Variants in ZNF550 observed in about 807,000 individuals in gnomAD.
ZNF550 encodes the protein zinc finger protein 550.
ZNF550 carries 42 observed loss-of-function variants against 40.2 expected under a neutral mutation model. The ratio of observed to expected loss-of-function variants is 1.05; its 90% CI spans 0.82 to 1.35. The LOEUF (loss-of-function observed/expected upper bound fraction) is 1.35, where lower values mean the gene tolerates loss of function less well. ZNF550 is among the 40% of genes most tolerant of loss of function. The pLI is 0.00. For missense variants in ZNF550, 549 were observed against 525.2 expected (o/e 1.05, Z -0.44); for synonymous variants, 223 against 198.6 (o/e 1.12, Z -1.03).
At chr19:57,544,295 A>C in intron 4 of ZNF550, 1 of 985,464 alleles carries the variant, frequency 1.0e-6, no homozygotes, top group African/African-American at 1.7e-5. Flanking sequence ...TGAAGACTGT[A>C]TGGAAAGAGC....
exon 5 of ZNF550, chr19:57,543,159 CA>C: frequency 3.7e-6 from 3 of 821,650 alleles, no homozygotes; most frequent in Non-Finnish European, 4.4e-6. Context: ...TTGCTTCTTT[CA>C]TTTCCTTCGG....
intron 1 of ZNF550, among the ~76,000 whole-genome samples, chr19:57,559,243 C>T (rs1344971998): frequency 6.6e-6 from 1 of 152,198 alleles, no homozygotes; most frequent in African/African-American, 2.4e-5. Context: ...ACCCAGGGAG[C>T]CGTTCAAGCT....
At chr19:57,560,219 G>A (rs1315460468), upstream of ZNF550, among the ~76,000 whole-genome samples, 1 of 152,134 alleles carries the variant, frequency 6.6e-6, no homozygotes, top group African/African-American at 2.4e-5. Context: ...TCTTACGCCT[G>A]GTTACTGCGT....
At chr19:57,549,504 G>T (rs965702179) in intron 3 of ZNF550, among the ~76,000 whole-genome samples, 3 of 152,154 alleles carry the variant, frequency 2.0e-5, no homozygotes, top group Non-Finnish European at 4.4e-5. Context: ...AGAGTTTAGG[G>T]AAGTTGCACC....
intron 3 of ZNF550, 48 bp from the exon 4 acceptor site, chr19:57,548,041 T>C (rs771686796): frequency 1.3e-6 from 2 of 1,520,274 alleles, no homozygotes; most frequent in South Asian, 1.2e-5. Flanking sequence ...TGATAAAATA[T>C]AGAAAAACAC....
At chr19:57,551,578 A>G (rs992092637) in intron 3 of ZNF550, among the ~76,000 whole-genome samples, 3 of 152,194 alleles carry the variant, frequency 2.0e-5, no homozygotes, top group African/African-American at 7.2e-5. Flanking sequence ...CCAGCCTTCT[A>G]ACCTGCTTGG....
chr19:57,557,737 T>TA (rs2090135357), intron 1 of ZNF550, among the ~76,000 whole-genome samples: 1 of 152,222 alleles, frequency 6.6e-6, no homozygotes, highest in African/African-American at 2.4e-5. Context: ...CCTGCCAGGC[T>TA]AAGGCTTCCT....
intron 3 of ZNF550, among the ~76,000 whole-genome samples, chr19:57,549,702 A>G (rs1234981378): frequency 2.0e-5 from 3 of 152,176 alleles, no homozygotes; most frequent in Non-Finnish European, 2.9e-5. Context: ...CCAATATAAA[A>G]GGGTGATTAG....
chr19:57,546,297 A>G (rs2090008577), intron 4 of ZNF550, among the ~76,000 whole-genome samples: 1 of 152,138 alleles, frequency 6.6e-6, no homozygotes, highest in Non-Finnish European at 1.5e-5. Context: ...AAATGCCTGA[A>G]GAGCTGCCCT....
chr19:57,556,390 CTTGTG>C (rs1439569733), intron 1 of ZNF550, 33 bp from the exon 2 acceptor site: 1 of 1,597,904 alleles, frequency 6.3e-7, no homozygotes, highest in Non-Finnish European at 8.5e-7. Context: ...TGCTATTGGC[CTTGTG>C]TTGTCGCATA....
At chr19:57,549,479 C>G (rs2090053697) in intron 3 of ZNF550, among the ~76,000 whole-genome samples, 1 of 152,056 alleles carries the variant, frequency 6.6e-6, no homozygotes, top group South Asian at 2.1e-4. Context: ...ATAAATGAAG[C>G]CTTTTGGTGC....
rs150153764 is a variant in ZNF550 at position 57,550,753 on chromosome 19, C to T, written c.250+1874G>A. On this transcript the variant is annotated intron_variant, in intron 3 of 4. Transcript: ENST00000457177. The stretch of plus-strand genomic sequence containing the variant: ...AGAAATGCAAAAATTTAAGCTGAGC[C>T]CTTCAAATTTGTACTTATTATTGTA... Among the ~76,000 whole-genome samples the T allele has an allele frequency of 1.1e-3, 166 of 152,184 alleles. No homozygotes were observed. In the Middle Eastern group the frequency reaches 0.017, roughly 16 times the overall value.
chr19:57,559,555 A>T, intron 1 of ZNF550, 101 bp downstream of exon 1: 1 of 1,165,008 alleles, frequency 8.6e-7, no homozygotes, highest in Non-Finnish European at 1.1e-6. Context: ...AAGCAACGGC[A>T]GGGACTGCAC....
At chr19:57,556,491 G>A (rs989526286) in intron 1 of ZNF550, 134 bp from the exon 2 acceptor site, 56 of 1,160,842 alleles carry the variant, frequency 4.8e-5, no homozygotes, top group Admixed American at 2.1e-4. Flanking sequence ...GCTGACTTCC[G>A]TGCAGGGCTC....
At chr19:57,556,001 A>G (rs1006752136) in intron 2 of ZNF550, 5 of 494,470 alleles carry the variant, frequency 1.0e-5, no homozygotes, top group African/African-American at 9.8e-5. Flanking sequence ...CTTCCTTCTT[A>G]TGCAATCTTG....
intron 4 of ZNF550, among the ~76,000 whole-genome samples, chr19:57,545,654 GGAT>G (rs58759046): frequency 0.17 from 25,435 of 152,074 alleles, 2,193 homozygotes; most frequent in Middle Eastern, 0.24. Flanking sequence ...AGGCTAAGCA[GGAT>G]GATGACTTGA....
At chr19:57,552,901 A>T (rs1026028905) in intron 2 of ZNF550, 179 bp from the exon 3 acceptor site, 2 of 567,884 alleles carry the variant, frequency 3.5e-6, no homozygotes, top group Non-Finnish European at 6.3e-6. Flanking sequence ...TGTGTTCCCC[A>T]TAAAAATCAT....
chr19:57,543,533 G>T, intron 4 of ZNF550: 1 of 850,208 alleles, frequency 1.2e-6, no homozygotes, highest in Non-Finnish European at 1.4e-6. Context: ...GTCATAACTA[G>T]TCCCACCCCC....
chr19:57,545,352 C>G (rs1031754592), intron 4 of ZNF550, among the ~76,000 whole-genome samples: 6 of 152,144 alleles, frequency 3.9e-5, no homozygotes, highest in African/African-American at 9.7e-5. Flanking sequence ...ATGGATTCAT[C>G]TTAGTTGTGT....
Sources: allele counts gnomAD v4.1 joint callset (sites outside exome capture counted in the v4.1 genomes callset), GRCh38; gene constraint gnomAD v4.1.1; transcripts MANE v1.5; gene names NCBI Gene and HGNC (gene_info 2026-07-23, HGNC 2026-07-21).